CEP112: variants seen among roughly 807,000 people sequenced by gnomAD.
CEP112 encodes centrosomal protein 112.
CEP112 carries 127 observed loss-of-function variants against 153.0 expected under a neutral mutation model. The observed-to-expected ratio is 0.83, with a 90% CI of 0.72 to 0.96. CEP112 has a LOEUF of 0.96. Among genes scored for constraint, CEP112 ranks in the 40% least tolerant of loss-of-function variants. CEP112 has a pLI of 0.00. For synonymous variants in CEP112, 358 were observed against 374.4 expected (o/e 0.96, Z 0.51); for missense variants, 1,089 against 1,101.2 (o/e 0.99, Z 0.16).
Position 65,851,412 on chromosome 17 carries a change from C to G in CEP112, c.2394+392G>C, listed in dbSNP as rs185175488. Among the ~76,000 whole-genome samples, 7 of 152,208 alleles carry G rather than the reference C, an allele frequency of 4.6e-5. No individual in the cohort carries two copies. In the East Asian group the frequency reaches 1.2e-3, roughly 25 times the overall value. ...ACACTGTTATAAAAAGCTGTAAAAT[C>G]TAGAAATGCTTATTAGACAACTGAG... On this transcript the variant is annotated intron_variant, in intron 21 of 26. Coordinates refer to ENST00000535342, the MANE Select transcript of CEP112 (RefSeq NM_001199165.4).
chr17:66,156,814 G>A lies in CEP112; in HGVS notation c.470+18230C>T, dbSNP rs2071462805. 3.9e-5 allele frequency among the ~76,000 whole-genome samples: 6 copies of A among 152,196 alleles called. No individual in the cohort carries two copies. In the South Asian group the frequency reaches 8.3e-4, roughly 21 times the overall value. ...AAAGATCAACTTAATGAAATTAAGTGTGAAGACAAGATTAGAGAAAAAGAA... is the reference window on the plus strand; with the variant it reads ...AAAGATCAACTTAATGAAATTAAGTATGAAGACAAGATTAGAGAAAAAGAA... On this transcript the variant is annotated intron_variant, in intron 4 of 26. Transcript: ENST00000535342.
chr17:65,831,783 T>C (rs1027326929), intron 21 of CEP112, among the ~76,000 whole-genome samples: 11 of 152,024 alleles, frequency 7.2e-5, no homozygotes, highest in African/African-American at 2.4e-4. Context: ...AAAGAATTAG[T>C]GAGCCTAAAG....
chr17:65,752,761 C>T (rs890685164), intron 21 of CEP112, among the ~76,000 whole-genome samples: 29 of 152,214 alleles, frequency 1.9e-4, no homozygotes, highest in Admixed American at 1.6e-3. Context: ...TTCCTTCCCC[C>T]AGAAATTGTT....
intron 18 of CEP112, among the ~76,000 whole-genome samples, chr17:65,942,686 T>C (rs1243597540): frequency 6.6e-6 from 1 of 152,226 alleles, no homozygotes; most frequent in Non-Finnish European, 1.5e-5. Context: ...CTACATTAAA[T>C]GTCCAGCTCC....
chr17:66,140,236 T>C (rs1487601378), intron 4 of CEP112, among the ~76,000 whole-genome samples: 2 of 152,112 alleles, frequency 1.3e-5, no homozygotes, highest in East Asian at 3.9e-4. Context: ...TTTTTTATGA[T>C]AAAAACTCAA....
chr17:66,186,542 G>A (rs1205823910), intron 1 of CEP112, among the ~76,000 whole-genome samples: 2 of 152,082 alleles, frequency 1.3e-5, no homozygotes, highest in Non-Finnish European at 2.9e-5. Flanking sequence ...GCCTGCCTCG[G>A]CCTCCCAAAG....
Position 66,029,851 on chromosome 17 carries a change from T to C in CEP112, c.1373+18A>G. 1 of 1,605,896 alleles carries C rather than the reference T, an allele frequency of 6.2e-7. No individual in the cohort carries two copies. The highest frequency in any genetic ancestry group is 2.2e-5 in the East Asian group (1 of 44,768). On this transcript the variant is annotated intron_variant, in intron 13 of 26. Transcript: ENST00000535342. The stretch of plus-strand genomic sequence containing the variant: ...ACTTTATAGCTACACCTGATAAATA[T>C]CTGATTTCAGACAATACCTTGCCTT...
chr17:65,660,254 C>T (rs1567824267), intron 24 of CEP112, among the ~76,000 whole-genome samples: 37 of 123,752 alleles, frequency 3.0e-4, no homozygotes, highest in African/African-American at 1.2e-3. Context: ...TGTTTTCTTT[C>T]TTTTTTCTTT....
At chr17:66,008,431 G>C (rs1249777240) in intron 16 of CEP112, among the ~76,000 whole-genome samples, 1 of 152,026 alleles carries the variant, frequency 6.6e-6, no homozygotes, top group Non-Finnish European at 1.5e-5. Flanking sequence ...GTAGCTCACT[G>C]TAACCTCAAA....
chr17:66,176,995 A>C lies in CEP112; in HGVS notation c.132T>G (p.Ile44Met), dbSNP rs774869819. Reference protein sequence around the residue: ...RTERQRCALWIRKLCEPSGTG... With the variant: ...RTERQRCALWMRKLCEPSGTG... ...TTCCTGAAGGTTCGCACAGCTTTCT[A>C]ATCCAAAGAGCACACCTCTGCCGTT... The change falls in exon 3 of 27, where the codon ATT (isoleucine) becomes ATG (methionine). Residue 44 changes from isoleucine to methionine, a missense_variant. Physicochemically the swap from Ile to Met is conservative, Grantham distance 10. Transcript: ENST00000535342. The C allele has an allele frequency of 6.2e-7, 1 of 1,613,000 alleles. No individual in the cohort carries two copies. Among genetic ancestry groups the C allele is most frequent in the African/African-American group, 1.3e-5 (1 of 75,018 alleles).
chr17:65,961,228 T>C (rs555316277), intron 18 of CEP112, among the ~76,000 whole-genome samples: 1 of 152,352 alleles, frequency 6.6e-6, no homozygotes, highest in African/African-American at 2.4e-5. Flanking sequence ...GCAAGGTACA[T>C]GCTTGCCATT....
At chr17:65,959,043 AGGAGCAACTCATCC>A (rs956666020) in intron 18 of CEP112, among the ~76,000 whole-genome samples, 9 of 151,958 alleles carry the variant, frequency 5.9e-5, no homozygotes, top group African/African-American at 2.2e-4. Flanking sequence ...AGCTGCAGAG[AGGAGCAACTCATCC>A]CAGGGCCTAC....
chr17:65,988,268 T>C (rs1305039634), intron 17 of CEP112, among the ~76,000 whole-genome samples: 1 of 152,122 alleles, frequency 6.6e-6, no homozygotes, highest in Non-Finnish European at 1.5e-5. Flanking sequence ...AACAAATCAA[T>C]TATAATGAAT....
At chr17:66,041,529 C>A (rs1361297311) in intron 12 of CEP112, among the ~76,000 whole-genome samples, 4 of 152,078 alleles carry the variant, frequency 2.6e-5, no homozygotes, top group African/African-American at 4.8e-5. Flanking sequence ...ACTGTATACA[C>A]AGGTCAGTAT....
intron 6 of CEP112, among the ~76,000 whole-genome samples, chr17:66,103,806 A>T (rs184207332): frequency 1.8e-3 from 274 of 152,266 alleles, no homozygotes; most frequent in Non-Finnish European, 2.6e-3. Flanking sequence ...ATGAAGAGAG[A>T]ATCTGTGTAT....
At chr17:66,052,482 C>T (rs1391017124) in intron 12 of CEP112, among the ~76,000 whole-genome samples, 1 of 152,100 alleles carries the variant, frequency 6.6e-6, no homozygotes, top group African/African-American at 2.4e-5. Context: ...GTCACTTCCC[C>T]AGACCTAGAC....
chr17:65,687,549 G>A lies in CEP112; in HGVS notation c.2697+1580C>T, dbSNP rs142184517. ...GTATTACATAGACATTATATAAAAC[G>A]TATATGTATATATGTATATTTATGC... On this transcript the variant is annotated intron_variant, in intron 24 of 26. Coordinates refer to ENST00000535342, the MANE Select transcript of CEP112 (RefSeq NM_001199165.4). Among the ~76,000 whole-genome samples the A allele has an allele frequency of 6.3e-3, 954 of 152,078 alleles. 4 individuals are homozygous for A. The highest frequency in any genetic ancestry group is 8.8e-3 in the Non-Finnish European group (600 of 67,996).
At chr17:65,670,460 T>C (rs2046930376) in intron 24 of CEP112, among the ~76,000 whole-genome samples, 1 of 152,138 alleles carries the variant, frequency 6.6e-6, no homozygotes, top group South Asian at 2.1e-4. Flanking sequence ...TATTATTCTT[T>C]GTCCCCTATT....
chr17:65,686,703 C>T (rs1317700340), intron 24 of CEP112, among the ~76,000 whole-genome samples: 1 of 152,174 alleles, frequency 6.6e-6, no homozygotes. Flanking sequence ...TTTGACTTGG[C>T]ACACGATGGG....
Sources: gnomAD v4.1 joint callset for allele counts (sites outside exome capture counted in the v4.1 genomes callset) on GRCh38, gnomAD v4.1.1 for gene constraint, MANE v1.5 for transcripts, NCBI Gene and HGNC (gene_info 2026-07-23, HGNC 2026-07-21) for gene names.